TRPC5: variants seen among roughly 807,000 people sequenced by gnomAD.
TRPC5 encodes the protein transient receptor potential cation channel subfamily C member 5, also known as short transient receptor potential channel 5.
TRPC5 carries 9 observed loss-of-function variants against 56.5 expected under a neutral mutation model. The ratio of observed to expected loss-of-function variants is 0.16; its 90% CI spans 0.10 to 0.28. TRPC5 has a LOEUF of 0.28. TRPC5 is among the 10% of genes least tolerant of loss of function. The pLI is 1.00. For missense variants in TRPC5, 469 were observed against 748.9 expected (o/e 0.63, Z 4.36); for synonymous variants, 282 against 278.5 (o/e 1.01, Z -0.13).
At chrX:112,071,758 T>G (rs1417696211) in intron 1 of TRPC5, among the ~76,000 whole-genome samples, 1 of 112,200 alleles carries the variant, frequency 8.9e-6, no homozygotes, top group Admixed American at 9.4e-5. Flanking sequence ...CACTTTTAGC[T>G]TGAGGCCACA....
At chrX:112,025,206 C>G (rs1007531371) in intron 1 of TRPC5, among the ~76,000 whole-genome samples, 2 of 111,953 alleles carry the variant, frequency 1.8e-5, no homozygotes, top group Non-Finnish European at 3.8e-5. Context: ...AGTCTAGCTG[C>G]AGATAATCAA....
intron 1 of TRPC5, among the ~76,000 whole-genome samples, chrX:112,035,921 G>A (rs1569529927): frequency 1.8e-5 from 2 of 109,020 alleles, no homozygotes; most frequent in South Asian, 8.0e-4. Context: ...GAGCTATCGC[G>A]CCCGGCCTAT....
At chrX:111,801,147 A>G (rs1473866921) in intron 7 of TRPC5, among the ~76,000 whole-genome samples, 4 of 112,166 alleles carry the variant, frequency 3.6e-5, no homozygotes, top group African/African-American at 1.3e-4. Flanking sequence ...GGAATCATAA[A>G]ATATTGGTCC....
chrX:111,914,143 C>G (rs777971638), intron 2 of TRPC5, among the ~76,000 whole-genome samples: 8 of 110,219 alleles, frequency 7.3e-5, no homozygotes, highest in Non-Finnish European at 1.5e-4. Context: ...GCCGAGTATT[C>G]AAAACATGTC....
chrX:111,953,432 C>T (rs1050863728), intron 1 of TRPC5, among the ~76,000 whole-genome samples: 1 of 112,109 alleles, frequency 8.9e-6, no homozygotes, highest in South Asian at 3.7e-4. Context: ...TAGAATGAAT[C>T]GCAGTATAGA....
In TRPC5 at chrX:111,774,272, GTTTTTC is replaced by G. The variant is rs1408296717; in HGVS notation, c.*2035_*2040del. ...TGATATACATTTCTGAGAAAAACATGTTTTTCTTTTTATAAAATGGGGTTATATGCT... is the reference window on the plus strand; with the variant it reads ...TGATATACATTTCTGAGAAAAACATGTTTTTATAAAATGGGGTTATATGCT... On this transcript the variant is annotated 3_prime_UTR_variant, in exon 11 of 11. Transcript: ENST00000262839. 1 of 111,805 alleles carries G rather than the reference GTTTTTC, an allele frequency of 8.9e-6. No individual in the cohort carries two copies. The highest frequency in any genetic ancestry group is 3.2e-5 in the African/African-American group (1 of 30,788). 9.2% of individuals were successfully genotyped at this position (111,805 alleles called of 1,213,427 possible).
intron 1 of TRPC5, among the ~76,000 whole-genome samples, chrX:111,960,799 T>C (rs1206558684): frequency 9.0e-6 from 1 of 110,876 alleles, no homozygotes; most frequent in Admixed American, 9.7e-5. Flanking sequence ...TGTTTTATTT[T>C]ATTATTTAAT....
At chrX:112,051,025 C>T (rs1602413028) in intron 1 of TRPC5, among the ~76,000 whole-genome samples, 1 of 112,795 alleles carries the variant, frequency 8.9e-6, no homozygotes, top group Non-Finnish European at 1.9e-5. Context: ...TCCTTCTCTG[C>T]CCTGCTCTGT....
chrX:111,913,932 C>A (rs1358134002), intron 2 of TRPC5, among the ~76,000 whole-genome samples: 1 of 101,709 alleles, frequency 9.8e-6, no homozygotes, highest in Non-Finnish European at 2.0e-5. Context: ...TGCACTCCAG[C>A]CTGGGCAACA....
intron 1 of TRPC5, among the ~76,000 whole-genome samples, chrX:112,052,589 C>G (rs1438587135): frequency 9.0e-6 from 1 of 111,697 alleles, no homozygotes; most frequent in Non-Finnish European, 1.9e-5. Flanking sequence ...TGCCTTTTCA[C>G]TCTGTTGAGT....
chrX:111,827,478 G>A (rs187875220), intron 7 of TRPC5, among the ~76,000 whole-genome samples: 3 of 110,856 alleles, frequency 2.7e-5, no homozygotes, highest in Non-Finnish European at 3.8e-5. Context: ...CTCCCTCCCC[G>A]ACCAGGCCTG....
intron 1 of TRPC5, among the ~76,000 whole-genome samples, chrX:112,059,122 TTTAACAATGTTAAATC>T (rs1930405859): frequency 2.7e-5 from 3 of 111,793 alleles, no homozygotes; most frequent in Admixed American, 9.5e-5. Flanking sequence ...TGAATTCTGA[TTTAACAATGTTAAATC>T]TTAACTAGCT....
intron 3 of TRPC5, among the ~76,000 whole-genome samples, chrX:111,865,335 T>C (rs1385756013): frequency 9.5e-6 from 1 of 105,435 alleles, no homozygotes; most frequent in African/African-American, 3.5e-5. Flanking sequence ...GCAGCTTCTT[T>C]TTTTTTTTTT....
In TRPC5 at chrX:112,018,486, A is replaced by G. The variant is rs1460724776; in HGVS notation, c.-22+63393T>C. Among the ~76,000 whole-genome samples, 4 of 112,177 alleles carry G rather than the reference A, an allele frequency of 3.6e-5. No homozygotes were observed. In the Admixed American group the frequency reaches 3.8e-4, roughly 11 times the overall value. On this transcript the variant is annotated intron_variant, in intron 1 of 10. Transcript: ENST00000262839. ...TGGCTACGTCATGTAATGTTGTTCC[A>G]TTTACAAATATATTATCTGTAAATC...
intron 1 of TRPC5, among the ~76,000 whole-genome samples, chrX:111,995,086 A>G (rs1309865311): frequency 8.9e-6 from 1 of 111,855 alleles, no homozygotes; most frequent in Non-Finnish European, 1.9e-5. Context: ...ATTCTGTATG[A>G]TATTGGCTGT....
chrX:111,967,468 G>T (rs2148646245), intron 1 of TRPC5, among the ~76,000 whole-genome samples: 1 of 111,547 alleles, frequency 9.0e-6, no homozygotes, highest in African/African-American at 3.3e-5. Context: ...TCACAGAACT[G>T]GAAAAAAACT....
In TRPC5 at chrX:111,847,624, A is replaced by G. The variant is rs767960593; in HGVS notation, c.1378-188T>C. On this transcript the variant is annotated intron_variant, in intron 5 of 10. Coordinates refer to ENST00000262839, the MANE Select transcript of TRPC5 (RefSeq NM_012471.3). ...ACCCAATTAACATGTGCTGCTAACA[A>G]CTCTCTTCCTCCCACTCCCATCCAC... Among the ~76,000 whole-genome samples, 106 of 111,062 alleles carry G rather than the reference A, an allele frequency of 9.5e-4. 1 individual carries two copies. Among genetic ancestry groups the G allele is most frequent in the African/African-American group, 3.3e-3 (100 of 30,598 alleles).
chrX:112,029,751 C>T (rs907732125), intron 1 of TRPC5, among the ~76,000 whole-genome samples: 1 of 110,524 alleles, frequency 9.0e-6, no homozygotes, highest in Non-Finnish European at 1.9e-5. Context: ...CTATATAACC[C>T]AAAGTAGAGG....
At chrX:111,978,849 T>C (rs148880606) in intron 1 of TRPC5, among the ~76,000 whole-genome samples, 1,868 of 111,408 alleles carry the variant, frequency 0.017, 43 homozygotes, top group African/African-American at 0.057. Context: ...CATCAAGTCA[T>C]ACGTTTTAAG....
Sources: allele counts gnomAD v4.1 joint callset (sites outside exome capture counted in the v4.1 genomes callset), GRCh38; gene constraint gnomAD v4.1.1; transcripts MANE v1.5; gene names NCBI Gene and HGNC (gene_info 2026-07-23, HGNC 2026-07-21).